The following ABCC6 variants were observed in gnomAD, a reference collection of about 807,000 sequenced individuals.
ABCC6 encodes the protein ATP binding cassette subfamily C member 6.
Under a neutral mutation model 169.5 loss-of-function variants are expected in ABCC6, and 126 were observed. The ratio of observed to expected loss-of-function variants is 0.74; its 90% CI spans 0.64 to 0.86. The LOEUF (loss-of-function observed/expected upper bound fraction) is 0.86, where lower values mean the gene tolerates loss of function less well. Among genes scored for constraint, ABCC6 ranks in the 40% least tolerant of loss-of-function variants. ABCC6 has a pLI of 0.00. For synonymous variants in ABCC6, 752 were observed against 814.7 expected (o/e 0.92, Z 1.31); for missense variants, 1,733 against 1,927.2 (o/e 0.90, Z 1.89).
intron 29 of ABCC6, among the ~76,000 whole-genome samples, chr16:16,151,803 G>A (rs1306200526): frequency 6.6e-6 from 1 of 152,180 alleles, no homozygotes; most frequent in Non-Finnish European, 1.5e-5. Flanking sequence ...CTCAAGGCTA[G>A]TGGTGGGTCC....
chr16:16,165,760 C>A lies in ABCC6; in HGVS notation c.3169G>T (p.Val1057Leu), dbSNP rs767588374. 6.2e-7 allele frequency: 1 copy of A among 1,613,706 alleles called. No individual in the cohort carries two copies. Among genetic ancestry groups the A allele is most frequent in the Non-Finnish European group, 8.5e-7 (1 of 1,180,052 alleles). ...GACCGGAGTTTGTCTGGAATGTCCACGTCAACCGTGTCTGTCTCCTTGGAG... is the reference window on the plus strand; with the variant it reads ...GACCGGAGTTTGTCTGGAATGTCCAAGTCAACCGTGTCTGTCTCCTTGGAG... ...RFSKETDTVD[V>L]DIPDKLRSLL... The change falls in exon 23 of 31, where the codon GTG becomes TTG. Residue 1057 changes from valine to leucine, a missense_variant. Physicochemically the swap from Val to Leu is conservative, Grantham distance 32. Transcript: ENST00000205557.
chr16:16,204,729 C>G (rs1285383231), intron 7 of ABCC6, among the ~76,000 whole-genome samples: 1 of 152,170 alleles, frequency 6.6e-6, no homozygotes, highest in African/African-American at 2.4e-5. Flanking sequence ...TGGGCGGGGA[C>G]ACTGCTCCTC....
chr16:16,171,819 G>T (rs1433615248), intron 21 of ABCC6, among the ~76,000 whole-genome samples: 1 of 146,970 alleles, frequency 6.8e-6, no homozygotes, highest in African/African-American at 2.5e-5. Flanking sequence ...GAGTGGGTGG[G>T]ATGGATGGAT....
intron 21 of ABCC6, 29 bp downstream of exon 21, chr16:16,173,255 G>A (rs1254034803): frequency 6.2e-7 from 1 of 1,611,902 alleles, no homozygotes; most frequent in Non-Finnish European, 8.5e-7. Context: ...AGCAGTGGGT[G>A]GGGAGGGGTG....
chr16:16,213,042 A>T (rs1377447265), intron 5 of ABCC6, among the ~76,000 whole-genome samples: 1 of 150,650 alleles, frequency 6.6e-6, no homozygotes. Flanking sequence ...TACAAAAAAG[A>T]TTCCTATGAT....
intron 21 of ABCC6, 33 bp from the exon 22 acceptor site, chr16:16,169,886 A>G (rs1348146133): frequency 6.5e-7 from 1 of 1,547,462 alleles, no homozygotes; most frequent in East Asian, 2.4e-5. Context: ...GGAGGCAGAG[A>G]GAGCCCCCAG....
chr16:16,173,961 G>C (rs2047190657), intron 20 of ABCC6, among the ~76,000 whole-genome samples: 1 of 152,182 alleles, frequency 6.6e-6, no homozygotes, highest in Non-Finnish European at 1.5e-5. Context: ...CTCTTTGAAT[G>C]TTTTATCTGT....
chr16:16,202,192 G>A lies in ABCC6; in HGVS notation c.999-14C>T, dbSNP rs1182167723. On this transcript the variant is annotated splice_polypyrimidine_tract_variant and intron_variant, in intron 8 of 30. Coordinates refer to ENST00000205557, the MANE Select transcript of ABCC6 (RefSeq NM_001171.6). ...TCCAGGAAAAGGCTTGCAGGGGAAGGAGGGAGAAGGTACAGCTGGTGAGAG... is the reference window on the plus strand; with the variant it reads ...TCCAGGAAAAGGCTTGCAGGGGAAGAAGGGAGAAGGTACAGCTGGTGAGAG... 10 of 1,605,706 alleles carry A rather than the reference G, an allele frequency of 6.2e-6. No homozygotes were observed. The highest frequency in any genetic ancestry group is 8.5e-6 in the Non-Finnish European group (10 of 1,176,024).
intron 8 of ABCC6, among the ~76,000 whole-genome samples, chr16:16,202,887 C>T (rs965454498): frequency 2.0e-4 from 31 of 152,178 alleles, no homozygotes; most frequent in African/African-American, 7.5e-4. Context: ...TAAAGCCATG[C>T]TGGCTCTGAG....
chr16:16,214,578 C>T, intron 4 of ABCC6, 129 bp from the exon 5 acceptor site: 1 of 1,482,542 alleles, frequency 6.7e-7, no homozygotes, highest in East Asian at 2.5e-5. Context: ...AGCCAGAGCC[C>T]TGGCTTTCCT....
intron 19 of ABCC6, among the ~76,000 whole-genome samples, chr16:16,176,979 A>G (rs1290534649): frequency 6.6e-6 from 1 of 152,218 alleles, no homozygotes; most frequent in Non-Finnish European, 1.5e-5. Flanking sequence ...CCATGTATCC[A>G]GCACACTGTT....
At position 16,192,916 on chromosome 16, in the gene ABCC6, C is replaced by T. The variant is rs1302709839; in HGVS notation, c.1345G>A (p.Gly449Arg). 90 of 1,613,938 alleles carry T rather than the reference C, an allele frequency of 5.6e-5. No homozygotes were observed. The highest frequency in any genetic ancestry group is 7.5e-5 in the Non-Finnish European group (88 of 1,179,948). Reference sequence around the variant, plus strand: ...GCGATGGCAGTGAGGGCGGAGGGCCCCAGGAGCTGGGGATAGAAGGGGCAG... The same window carrying T: ...GCGATGGCAGTGAGGGCGGAGGGCCTCAGGAGCTGGGGATAGAAGGGGCAG... ...VCFVYLWQLL[G>R]PSALTAIAVF... Residue 449 changes from glycine (G) to arginine (R), a missense_variant, in exon 11 of 31, where the codon GGG becomes AGG. Gly to Arg is a moderately radical substitution (Grantham distance 125). Around this residue, in one of 5 missense-constraint regions of ABCC6, gnomAD observed 1,601 missense variants for 1,635.5 expected, o/e 0.98. Coordinates refer to ENST00000205557, the MANE Select transcript of ABCC6 (RefSeq NM_001171.6).
chr16:16,184,397 G>A (rs966784854), intron 15 of ABCC6, among the ~76,000 whole-genome samples: 2 of 151,718 alleles, frequency 1.3e-5, no homozygotes, highest in African/African-American at 2.4e-5. Flanking sequence ...TGTTTCCTTC[G>A]CCCTATCCCC....
chr16:16,156,848 C>T (rs969167151), intron 27 of ABCC6, among the ~76,000 whole-genome samples: 1 of 148,094 alleles, frequency 6.8e-6, no homozygotes, highest in African/African-American at 2.5e-5. Context: ...GAGGCTGAGG[C>T]AGGAGAATCA....
intron 18 of ABCC6, 150 bp downstream of exon 18, chr16:16,178,648 A>T: frequency 1.1e-6 from 1 of 909,712 alleles, no homozygotes; most frequent in Admixed American, 1.7e-5. Flanking sequence ...TGTTTGTTAC[A>T]TAGCATTGTC....
chr16:16,204,874 C>T (rs1442040783), intron 7 of ABCC6, among the ~76,000 whole-genome samples: 6 of 146,298 alleles, frequency 4.1e-5, no homozygotes, highest in South Asian at 2.1e-4. Flanking sequence ...TCGCTCTTGT[C>T]GCCCAGGCTG....
Position 16,168,353 on chromosome 16 carries a change from G to A in ABCC6, c.2995+1293C>T, listed in dbSNP as rs141386718. Among the ~76,000 whole-genome samples the A allele has an allele frequency of 1.6e-3, 247 of 152,246 alleles. 1 individual carries two copies. Among genetic ancestry groups the A allele is most frequent in the African/African-American group, 5.6e-3 (234 of 41,474 alleles). The stretch of plus-strand genomic sequence containing the variant: ...AAAACAAAAATTAGCCAGCATGGTG[G>A]CATGTGCATGTAGTCCCAGCTACTC... On this transcript the variant is annotated intron_variant, in intron 22 of 30. Transcript: ENST00000205557.
chr16:16,149,913 G>A lies in ABCC6; in HGVS notation c.*220C>T, dbSNP rs138073543. The stretch of plus-strand genomic sequence containing the variant: ...ACATTGGCTGCAGGGTGGACAGGGC[G>A]AGATGGGCCCTGCCCGGGCAGACCT... On this transcript the variant is annotated 3_prime_UTR_variant, in exon 31 of 31. Transcript: ENST00000205557. 1.3e-5 allele frequency: 9 copies of A among 673,212 alleles called. No homozygotes were observed. Among genetic ancestry groups the A allele is most frequent in the African/African-American group, 8.8e-5 (5 of 56,762 alleles). The allele number at this position is 673,212 out of a possible 1,614,324, so 41.7% of individuals were successfully genotyped here. A position where few individuals can be genotyped will look rare whatever the true frequency, so the allele number is the denominator to read the frequency against.
At chr16:16,184,518 T>C (rs2047584239) in intron 15 of ABCC6, among the ~76,000 whole-genome samples, 1 of 152,184 alleles carries the variant, frequency 6.6e-6, no homozygotes, top group Admixed American at 6.5e-5. Context: ...TTAGGGAGTT[T>C]CAGGGCTGTC....
Sources: allele counts gnomAD v4.1 joint callset (sites outside exome capture counted in the v4.1 genomes callset), GRCh38; gene constraint gnomAD v4.1.1; regional missense constraint gnomAD v4.1.1; transcripts MANE v1.5; gene names NCBI Gene and HGNC (gene_info 2026-07-23, HGNC 2026-07-21).